ZNF780A: variants seen among roughly 807,000 people sequenced by gnomAD.
The protein encoded by ZNF780A is zinc finger protein 780A.
ZNF780A carries 40 observed loss-of-function variants against 56.7 expected under a neutral mutation model. That is an observed-to-expected ratio of 0.71 (90% CI 0.55 to 0.92). ZNF780A has a LOEUF of 0.92. ZNF780A is among the 40% of genes least tolerant of loss of function. The probability of loss-of-function intolerance (pLI) is 0.00; values close to 1 mark genes in which losing one functional copy is unlikely to be tolerated. For missense variants in ZNF780A, 672 were observed against 783.3 expected (o/e 0.86, Z 1.70); for synonymous variants, 231 against 248.3 (o/e 0.93, Z 0.66).
chr19:40,088,622 T>C (rs942048413), intron 2 of ZNF780A, among the ~76,000 whole-genome samples: 1 of 152,124 alleles, frequency 6.6e-6, no homozygotes, highest in Admixed American at 6.5e-5. Flanking sequence ...AGAACTACCA[T>C]ATGATCCAGC....
chr19:40,089,281 TGATA>T, intron 2 of ZNF780A: 1 of 1,420,446 alleles, frequency 7.0e-7, no homozygotes, highest in South Asian at 1.5e-5. Context: ...ATGTTGCACA[TGATA>T]AATACATACA....
intron 1 of ZNF780A, chr19:40,090,642 C>G (rs569325936): frequency 1.3e-5 from 2 of 152,352 alleles, no homozygotes; most frequent in Admixed American, 1.3e-4. Context: ...TGCGCTGCGT[C>G]CACACGCCCT....
At chr19:40,077,084 A>G (rs1974184354) in intron 5 of ZNF780A, among the ~76,000 whole-genome samples, 1 of 152,094 alleles carries the variant, frequency 6.6e-6, no homozygotes, top group Admixed American at 6.5e-5. Context: ...CGAGGAGGCC[A>G]AAGAATCAAC....
rs202055313 is a variant in ZNF780A, at chr19:40,086,129, T to TG, written c.-45-1332dup. 6.6e-3 allele frequency among the ~76,000 whole-genome samples: 1,004 copies of TG among 152,068 alleles called. 5 individuals are homozygous for TG. The highest frequency in any genetic ancestry group is 0.012 in the Non-Finnish European group (785 of 67,990). On this transcript the variant is annotated intron_variant, in intron 2 of 5. Transcript: ENST00000683561. Reference sequence around the variant, plus strand: ...TTATTTAGATATCTCCCTTTGAACTTGGGGTGGGAAATCAGCATACTCTAA... The same window carrying TG: ...TTATTTAGATATCTCCCTTTGAACTTGGGGGTGGGAAATCAGCATACTCTAA...
At chr19:40,079,734 T>C (rs758967929) in intron 5 of ZNF780A, among the ~76,000 whole-genome samples, 1 of 152,072 alleles carries the variant, frequency 6.6e-6, no homozygotes, top group African/African-American at 2.4e-5. Context: ...ATATAACCAC[T>C]GGGTCAAGAA....
chr19:40,081,140 G>A (rs566813478), intron 5 of ZNF780A, among the ~76,000 whole-genome samples: 60 of 151,994 alleles, frequency 3.9e-4, no homozygotes, highest in Admixed American at 1.2e-3. Context: ...AACTATCATC[G>A]GAGGGAATAG....
chr19:40,082,277 T>C (rs1974525277), intron 4 of ZNF780A, among the ~76,000 whole-genome samples: 1 of 152,194 alleles, frequency 6.6e-6, no homozygotes, highest in Non-Finnish European at 1.5e-5. Context: ...ATGGGGATGA[T>C]ACAATACCTA....
chr19:40,073,102 A>G lies in ZNF780A; in HGVS notation c.*1414T>C. On this transcript the variant is annotated 3_prime_UTR_variant, in exon 6 of 6. Transcript: ENST00000683561. The stretch of plus-strand genomic sequence containing the variant: ...GGTTGATACACACGTTGATTAAATA[A>G]AGGGTAAAGTGTCATGATGTCTAAA... 7.5e-7 allele frequency: 1 copy of G among 1,331,634 alleles called. No homozygotes were observed. The highest frequency in any genetic ancestry group is 9.6e-7 in the Non-Finnish European group (1 of 1,037,028). 82.5% of individuals were successfully genotyped at this position (1,331,634 alleles called of 1,614,324 possible).
chr19:40,089,309 A>T, intron 2 of ZNF780A: 1 of 1,361,268 alleles, frequency 7.3e-7, no homozygotes, highest in Non-Finnish European at 9.6e-7. Context: ...ATATCTGTCG[A>T]TTTAAAAAGA....
chr19:40,081,148 T>C (rs1007848381), intron 5 of ZNF780A, among the ~76,000 whole-genome samples: 19 of 150,190 alleles, frequency 1.3e-4, no homozygotes, highest in African/African-American at 3.9e-4. Flanking sequence ...TCGGAGGGAA[T>C]AGACAAAATT....
At chr19:40,080,904 C>T (rs1367643554) in intron 5 of ZNF780A, among the ~76,000 whole-genome samples, 3 of 152,000 alleles carry the variant, frequency 2.0e-5, no homozygotes, top group Non-Finnish European at 4.4e-5. Context: ...TAGAATGAAA[C>T]CAGACCCCTA....
intron 5 of ZNF780A, among the ~76,000 whole-genome samples, chr19:40,079,184 T>C (rs916512485): frequency 6.6e-6 from 1 of 152,104 alleles, no homozygotes; most frequent in Admixed American, 6.5e-5. Flanking sequence ...TGAGCAGGAA[T>C]AGCTATATTT....
chr19:40,085,434 GGATA>G (rs79172925), intron 2 of ZNF780A: 27,676 of 710,894 alleles, frequency 0.039, 686 homozygotes, highest in South Asian at 0.06. Flanking sequence ...TTACAAAACA[GGATA>G]GATAATATGA....
In ZNF780A at chr19:40,074,040, C is replaced by A. The variant is rs1973938321; in HGVS notation, c.*476G>T. On this transcript the variant is annotated 3_prime_UTR_variant, in exon 6 of 6. Coordinates refer to ENST00000683561, the MANE Select transcript of ZNF780A (RefSeq NM_001142578.2). ...ACAGGGTTTCATACCAGTATGAATT[C>A]TTTGATGTGCAGTCAGGACCAAACT... The A allele has an allele frequency of 1.7e-6, 2 of 1,204,116 alleles. No homozygotes were observed. Among genetic ancestry groups the A allele is most frequent in the South Asian group, 2.1e-5 (1 of 47,996 alleles). 74.6% of individuals were successfully genotyped at this position (1,204,116 alleles called of 1,614,324 possible).
chr19:40,084,642 G>A (rs1974678855), intron 3 of ZNF780A, 103 bp downstream of exon 3: 4 of 1,211,310 alleles, frequency 3.3e-6, no homozygotes, highest in South Asian at 1.5e-5. Context: ...AAACTGGGGT[G>A]TAAGATCGTG....
intron 5 of ZNF780A, among the ~76,000 whole-genome samples, chr19:40,080,848 AAAT>A (rs769941963): frequency 3.0e-4 from 46 of 152,284 alleles, no homozygotes; most frequent in South Asian, 6.2e-4. Flanking sequence ...AATAAATTAA[AAAT>A]AAATAAATAA....
In ZNF780A at chr19:40,074,653, G is replaced by T. The variant is rs199732412; in HGVS notation, c.1789C>A (p.His597Asn). The T allele has an allele frequency of 6.2e-7, 1 of 1,613,418 alleles. No individual in the cohort carries two copies. Among genetic ancestry groups the T allele is most frequent in the Admixed American group, 1.7e-5 (1 of 59,968 alleles). Residue 597 changes from histidine (H) to asparagine (N), a missense_variant, in exon 6 of 6, where the codon CAT (histidine) becomes AAT (asparagine). Transcript: ENST00000683561. ...CKECGKAFRLHMQLIRHQKLH... is the reference protein window; with the variant it reads ...CKECGKAFRLNMQLIRHQKLH... ...TTCTGATGTCGAATAAGTTGCATAT[G>T]AAGTCGAAAGGCTTTCCCACACTCC...
At chr19:40,079,833 C>T (rs1203592714) in intron 5 of ZNF780A, among the ~76,000 whole-genome samples, 1 of 152,010 alleles carries the variant, frequency 6.6e-6, no homozygotes, top group African/African-American at 2.4e-5. Flanking sequence ...AGCAAAAGTA[C>T]TGCTAAGAGC....
Position 40,075,376 on chromosome 19 carries a change from T to C in ZNF780A, c.1066A>G (p.Thr356Ala). 1 of 1,614,076 alleles carries C rather than the reference T, an allele frequency of 6.2e-7. No homozygotes were observed. The change falls in exon 6 of 6, where the codon ACT becomes GCT. Residue 356 changes from threonine (T) to alanine (A), a missense_variant. Coordinates refer to ENST00000683561, the MANE Select transcript of ZNF780A (RefSeq NM_001142578.2). The stretch of plus-strand genomic sequence containing the variant: ...CTGCATTCAAAGGGTTTCTCACCAG[T>C]ATGAATCTTCTGATGTCGAACAAGC... ...TKLVRHQKIH[T>A]GEKPFECREC... is the part of the protein sequence containing the mutation.
Sources: gnomAD v4.1 joint callset for allele counts (sites outside exome capture counted in the v4.1 genomes callset) on GRCh38, gnomAD v4.1.1 for gene constraint, MANE v1.5 for transcripts, NCBI Gene and HGNC (gene_info 2026-07-23, HGNC 2026-07-21) for gene names.